TNNI3K: variants seen among roughly 807,000 people sequenced by gnomAD.
The protein encoded by TNNI3K is TNNI3 interacting kinase, also known as serine/threonine-protein kinase TNNI3K.
TNNI3K carries 140 observed loss-of-function variants against 114.5 expected under a neutral mutation model. That is an observed-to-expected ratio of 1.22 (90% CI 1.07 to 1.41). TNNI3K has a LOEUF of 1.41. Ranked by LOEUF, TNNI3K falls within the 40% of genes most tolerant of loss-of-function variation. The pLI is 0.00. For missense variants in TNNI3K, 1,125 were observed against 1,007.6 expected, an observed-to-expected ratio of 1.12 and a Z score of -1.58; for synonymous variants, 347 against 347.5, an observed-to-expected ratio of 1.00 and a Z score of 0.02.
intron 17 of TNNI3K, among the ~76,000 whole-genome samples, chr1:74,394,966 C>T (rs1358521841): frequency 6.6e-6 from 1 of 151,872 alleles, no homozygotes; most frequent in Non-Finnish European, 1.5e-5. Flanking sequence ...ATAGCGTGAA[C>T]CCGGGAGGTG....
chr1:74,425,854 T>TCC (rs1665613569), intron 17 of TNNI3K, among the ~76,000 whole-genome samples: 2 of 151,828 alleles, frequency 1.3e-5, no homozygotes, highest in Non-Finnish European at 2.9e-5. Context: ...TGACGAAGGG[T>TCC]TAGAGCTAAA....
chr1:74,517,170 C>T (rs2100399779), intron 23 of TNNI3K, among the ~76,000 whole-genome samples: 1 of 152,104 alleles, frequency 6.6e-6, no homozygotes, highest in African/African-American at 2.4e-5. Context: ...CTATATGCAA[C>T]ATATCTTGTA....
chr1:74,477,701 A>G (rs1037138848), intron 21 of TNNI3K, among the ~76,000 whole-genome samples: 1 of 152,226 alleles, frequency 6.6e-6, no homozygotes, highest in Non-Finnish European at 1.5e-5. Flanking sequence ...ATATATCTGT[A>G]TCCCATTACC....
At chr1:74,490,775 G>C (rs1669030803) in intron 22 of TNNI3K, among the ~76,000 whole-genome samples, 1 of 152,204 alleles carries the variant, frequency 6.6e-6, no homozygotes, top group South Asian at 2.1e-4. Context: ...AAGAGGGACA[G>C]AAAGTATTTG....
chr1:74,336,154 G>C lies in TNNI3K; in HGVS notation c.682+5G>C. The C allele has an allele frequency of 1.3e-6, 2 of 1,592,400 alleles. No individual in the cohort carries two copies. The highest frequency in any genetic ancestry group is 1.7e-6 in the Non-Finnish European group (2 of 1,174,170). On this transcript the variant is annotated splice_donor_5th_base_variant and intron_variant, in intron 7 of 24. Transcript: ENST00000326637. ...AAGAAGGCAGCAAAGCAGATGGTAA[G>C]ATTATATATTTAAAAGACCTTTGCT...
At chr1:74,330,703 A>G (rs1263087884) in intron 5 of TNNI3K, among the ~76,000 whole-genome samples, 1 of 152,184 alleles carries the variant, frequency 6.6e-6, no homozygotes, top group Non-Finnish European at 1.5e-5. Flanking sequence ...CCTAAAATGG[A>G]TAGAAAAAAT....
intron 23 of TNNI3K, among the ~76,000 whole-genome samples, chr1:74,499,458 G>T (rs1194833268): frequency 6.6e-6 from 1 of 152,128 alleles, no homozygotes; most frequent in Non-Finnish European, 1.5e-5. Flanking sequence ...AAAGTATGTT[G>T]TTGTAATTGT....
chr1:74,501,474 G>GTGTTTTTT (rs1553153394), intron 23 of TNNI3K, among the ~76,000 whole-genome samples: 1 of 149,820 alleles, frequency 6.7e-6, no homozygotes, highest in African/African-American at 2.5e-5. Flanking sequence ...TTTTTGTTTT[G>GTGTTTTTT]TGTTTGTTTG....
At chr1:74,465,484 G>A (rs950632010) in intron 21 of TNNI3K, among the ~76,000 whole-genome samples, 7 of 152,206 alleles carry the variant, frequency 4.6e-5, no homozygotes, top group Admixed American at 3.9e-4. Flanking sequence ...CCAGGCCTCA[G>A]CTGCCTCCCC....
At chr1:74,436,382 A>C in intron 18 of TNNI3K, 92 bp from the exon 19 acceptor site, 1 of 1,381,428 alleles carries the variant, frequency 7.2e-7, no homozygotes, top group Non-Finnish European at 9.7e-7. Context: ...AATAAGACAG[A>C]AGTCTCTTGA....
intron 5 of TNNI3K, among the ~76,000 whole-genome samples, chr1:74,289,613 C>T (rs962422553): frequency 1.3e-5 from 2 of 151,660 alleles, no homozygotes; most frequent in Admixed American, 6.6e-5. Context: ...TACTGAATTA[C>T]AGTCCTGTGC....
At chr1:74,348,577 A>ATT (rs1661150989) in intron 9 of TNNI3K, among the ~76,000 whole-genome samples, 2 of 152,150 alleles carry the variant, frequency 1.3e-5, no homozygotes, top group Non-Finnish European at 2.9e-5. Context: ...GAATCTATAA[A>ATT]TTACCTTGGG....
intron 19 of TNNI3K, among the ~76,000 whole-genome samples, chr1:74,438,174 A>G (rs1273205473): frequency 1.3e-5 from 2 of 151,838 alleles, no homozygotes; most frequent in Admixed American, 1.3e-4. Context: ...ATGTTATCTA[A>G]TCAGTCTATG....
At chr1:74,377,487 A>C (rs964306814) in intron 17 of TNNI3K, among the ~76,000 whole-genome samples, 3 of 152,132 alleles carry the variant, frequency 2.0e-5, no homozygotes, top group Admixed American at 6.6e-5. Context: ...TAGCCAAAAC[A>C]GATACAAAAG....
chr1:74,259,333 C>T lies in TNNI3K; in HGVS notation c.333+8564C>T, dbSNP rs564457902. Among the ~76,000 whole-genome samples the T allele has an allele frequency of 3.9e-5, 6 of 152,282 alleles. No individual in the cohort carries two copies. The South Asian group carries it at 8.3e-4, about 21-fold the overall frequency. On this transcript the variant is annotated intron_variant, in intron 4 of 24. Transcript: ENST00000326637. ...TATTCTGAGTCTAAAGGCCCAAGAA[C>T]GAGGATCAGTGATGTCTGAGGGCAG...
intron 19 of TNNI3K, 138 bp from the exon 20 acceptor site, chr1:74,439,352 T>G: frequency 7.4e-7 from 1 of 1,353,278 alleles, no homozygotes; most frequent in Non-Finnish European, 9.9e-7. Flanking sequence ...GAGGGCAATA[T>G]GTATGGATGT....
intron 17 of TNNI3K, among the ~76,000 whole-genome samples, chr1:74,391,954 A>ATTTTTTTTTT (rs1557539031): frequency 8.6e-5 from 8 of 93,262 alleles, no homozygotes; most frequent in Middle Eastern, 6.2e-3. Flanking sequence ...GGTACAGCTT[A>ATTTTTTTTTT]TTATTTTTTT....
At chr1:74,261,040 T>C (rs1159843874) in intron 4 of TNNI3K, among the ~76,000 whole-genome samples, 1 of 152,066 alleles carries the variant, frequency 6.6e-6, no homozygotes, top group Non-Finnish European at 1.5e-5. Context: ...GATTAGGAAA[T>C]TGATTTATAT....
chr1:74,457,365 T>A lies in TNNI3K; in HGVS notation c.2012-6076T>A, dbSNP rs187849590. Among the ~76,000 whole-genome samples, 22 of 152,324 alleles carry A rather than the reference T, an allele frequency of 1.4e-4. No homozygotes were observed. In the East Asian group the frequency reaches 3.5e-3, roughly 24 times the overall value. On this transcript the variant is annotated intron_variant, in intron 20 of 24. Coordinates refer to ENST00000326637, the MANE Select transcript of TNNI3K (RefSeq NM_015978.3). ...CTGACAGTATGTAATGAGAATGGGA[T>A]GTGGTTTAAAAAATTAAGCCATTCT...
Sources: allele counts gnomAD v4.1 joint callset (sites outside exome capture counted in the v4.1 genomes callset), GRCh38; gene constraint gnomAD v4.1.1; transcripts MANE v1.5; gene names NCBI Gene and HGNC (gene_info 2026-07-23, HGNC 2026-07-21).